Variants in R3HDM2 observed in about 807,000 individuals in gnomAD.
R3HDM2 encodes the protein R3H domain containing 2.
A neutral mutation model predicts 124.5 loss-of-function variants in R3HDM2; 38 were observed. That is an observed-to-expected ratio of 0.31 (90% CI 0.24 to 0.40). R3HDM2 has a LOEUF of 0.40. R3HDM2 is among the 10% of genes least tolerant of loss of function. R3HDM2 has a pLI of 1.00. For synonymous variants in R3HDM2, 391 were observed against 448.0 expected (o/e 0.87, Z 1.61); for missense variants, 869 against 1,236.9 (o/e 0.70, Z 4.46).
rs148102181 is a variant in R3HDM2 at position 57,261,847 on chromosome 12, G to C, written c.2132-2788C>G. ...AAGGAGCATGGGTTGGCAGCCAGTG[G>C]GAAGTGGGAGGGGGGGTTGAATAAG... On this transcript the variant is annotated intron_variant, in intron 19 of 23. Transcript: ENST00000402412. Among the ~76,000 whole-genome samples, 235 of 152,020 alleles carry C rather than the reference G, an allele frequency of 1.5e-3. 1 individual carries two copies. Among genetic ancestry groups the C allele is most frequent in the African/African-American group, 5.5e-3 (226 of 41,432 alleles).
intron 1 of R3HDM2, among the ~76,000 whole-genome samples, chr12:57,426,816 A>AGAAAACCAGGTTTTCCTAGT (rs1231054689): frequency 1.8e-4 from 28 of 152,324 alleles, no homozygotes; most frequent in African/African-American, 6.5e-4. Flanking sequence ...TGAGTACCTT[A>AGAAAACCAGGTTTTCCTAGT]GAAAACCAGG....
At chr12:57,311,603 A>G (rs964401734) in intron 2 of R3HDM2, among the ~76,000 whole-genome samples, 1 of 151,898 alleles carries the variant, frequency 6.6e-6, no homozygotes, top group Admixed American at 6.6e-5. Context: ...GAACTCCTGG[A>G]CTTAAGTGAT....
chr12:57,327,341 C>T (rs1031616220), intron 2 of R3HDM2, among the ~76,000 whole-genome samples: 1 of 151,804 alleles, frequency 6.6e-6, no homozygotes, highest in African/African-American at 2.4e-5. Flanking sequence ...GTGGTGGGGG[C>T]CTGTAATCCC....
At position 57,314,654 on chromosome 12, in the gene R3HDM2, G is replaced by T. The variant is rs2054647635; in HGVS notation, c.-35-4191C>A. On this transcript the variant is annotated intron_variant, in intron 2 of 23. Transcript: ENST00000402412. ...GGATCATTTCACTAGTTATGAAATA[G>T]TCTTAATTGTTACATAGTTGCTCCC... Among the ~76,000 whole-genome samples the T allele has an allele frequency of 2.0e-5, 3 of 152,282 alleles. No homozygotes were observed. In the South Asian group the frequency reaches 6.2e-4, roughly 32 times the overall value.
At chr12:57,347,185 G>A (rs1259580489) in intron 2 of R3HDM2, among the ~76,000 whole-genome samples, 1 of 152,026 alleles carries the variant, frequency 6.6e-6, no homozygotes, top group African/African-American at 2.4e-5. Context: ...GTTTGAAGCT[G>A]CAATGAGCTG....
intron 13 of R3HDM2, among the ~76,000 whole-genome samples, chr12:57,283,034 T>C (rs947073926): frequency 2.0e-5 from 3 of 152,024 alleles, no homozygotes; most frequent in Non-Finnish European, 4.4e-5. Flanking sequence ...AACATAGGAG[T>C]GTCTGCTCCT....
rs58868663 is a variant in R3HDM2, at chr12:57,421,161, C to CT, written c.-106+9558dup. Reference sequence around the variant, plus strand: ...TACACATCTCCATGTCTAACAGATTCTTTTTTTTTTTTTTTTTTCTGAGAC... The same window carrying CT: ...TACACATCTCCATGTCTAACAGATTCTTTTTTTTTTTTTTTTTTTCTGAGAC... On this transcript the variant is annotated intron_variant, in intron 1 of 23. Transcript: ENST00000402412. Among the ~76,000 whole-genome samples, 754 of 119,260 alleles carry CT rather than the reference C, an allele frequency of 6.3e-3. 8 individuals are homozygous for CT. Among genetic ancestry groups the CT allele is most frequent in the Non-Finnish European group, 9.2e-3 (536 of 58,002 alleles). 78.2% of individuals were successfully genotyped at this position (119,260 alleles called of 152,430 possible).
At chr12:57,258,797 T>C (rs2039867646) in intron 20 of R3HDM2, 93 bp downstream of exon 20, 4 of 1,204,530 alleles carry the variant, frequency 3.3e-6, no homozygotes, top group Non-Finnish European at 3.3e-6. Flanking sequence ...GGAAAAGACA[T>C]GTAAAAGAGG....
chr12:57,427,746 T>C (rs1868298696), intron 1 of R3HDM2, among the ~76,000 whole-genome samples: 1 of 151,870 alleles, frequency 6.6e-6, no homozygotes, highest in African/African-American at 2.4e-5. Flanking sequence ...GATAGAGAGT[T>C]ATGTAAATGT....
chr12:57,281,354 A>G (rs1229117148), intron 13 of R3HDM2, among the ~76,000 whole-genome samples: 1 of 151,650 alleles, frequency 6.6e-6, no homozygotes, highest in Admixed American at 6.6e-5. Flanking sequence ...TATCCAACTC[A>G]TTTCCCCATT....
intron 4 of R3HDM2, 139 bp downstream of exon 4, chr12:57,303,037 A>G (rs993503466): frequency 4.0e-5 from 30 of 742,366 alleles, no homozygotes; most frequent in Non-Finnish European, 5.2e-5. Context: ...ACACTTACGC[A>G]GGTTCACAAT....
chr12:57,259,898 T>C (rs1233835191), intron 19 of R3HDM2, among the ~76,000 whole-genome samples: 5 of 152,054 alleles, frequency 3.3e-5, no homozygotes, highest in Non-Finnish European at 5.9e-5. Context: ...ACCTATGCTT[T>C]GGAGAGCTAA....
intron 2 of R3HDM2, among the ~76,000 whole-genome samples, chr12:57,318,585 T>C (rs2055689242): frequency 6.6e-6 from 1 of 150,670 alleles, no homozygotes; most frequent in Admixed American, 6.6e-5. Context: ...GAGGCGGAGG[T>C]TGTGGTGAGC....
chr12:57,377,078 C>CTAAATAAATAAATAAATAAATAAATAAA (rs142655309), intron 2 of R3HDM2, among the ~76,000 whole-genome samples: 31 of 128,038 alleles, frequency 2.4e-4, no homozygotes, highest in Admixed American at 3.4e-4. Flanking sequence ...TGGGTCCACG[C>CTAAATAAATAAATAAATAAATAAATAAA]TAAATAAATA....
intron 2 of R3HDM2, among the ~76,000 whole-genome samples, chr12:57,370,246 T>G (rs1346886221): frequency 1.3e-5 from 2 of 152,110 alleles, no homozygotes; most frequent in East Asian, 3.9e-4. Context: ...TTCCCCTGCT[T>G]GCACTCGCGA....
intron 2 of R3HDM2, among the ~76,000 whole-genome samples, chr12:57,340,139 A>G (rs1468096007): frequency 1.3e-5 from 2 of 152,188 alleles, no homozygotes; most frequent in Non-Finnish European, 2.9e-5. Flanking sequence ...TTTAAGAAAG[A>G]CTTTAGGTCT....
At chr12:57,387,978 T>A (rs984269601) in intron 2 of R3HDM2, among the ~76,000 whole-genome samples, 2 of 151,250 alleles carry the variant, frequency 1.3e-5, no homozygotes, top group African/African-American at 4.9e-5. Context: ...TTTTTTTTTT[T>A]AAAAAGACAA....
chr12:57,315,175 T>C (rs1433157624), intron 2 of R3HDM2, among the ~76,000 whole-genome samples: 1 of 152,092 alleles, frequency 6.6e-6, no homozygotes, highest in Non-Finnish European at 1.5e-5. Flanking sequence ...GTAGCTGGCA[T>C]TACATGCGCT....
At chr12:57,297,272 T>C in intron 8 of R3HDM2, 56 bp downstream of exon 8, 2 of 968,494 alleles carry the variant, frequency 2.1e-6, no homozygotes, top group South Asian at 3.1e-5. Flanking sequence ...TGTACCTAAA[T>C]TTATTTCCAG....
Sources: gnomAD v4.1 joint callset for allele counts (sites outside exome capture counted in the v4.1 genomes callset) on GRCh38, gnomAD v4.1.1 for gene constraint, MANE v1.5 for transcripts, NCBI Gene and HGNC (gene_info 2026-07-23, HGNC 2026-07-21) for gene names.